FLVCR2: variants seen among roughly 807,000 people sequenced by gnomAD.
The protein encoded by FLVCR2 is FLVCR choline and putative heme transporter 2.
A neutral mutation model predicts 48.9 loss-of-function variants in FLVCR2; 38 were observed. The observed-to-expected ratio is 0.78, with a 90% CI of 0.60 to 1.02. The LOEUF (loss-of-function observed/expected upper bound fraction) is 1.02, where lower values mean the gene tolerates loss of function less well. FLVCR2 is among the 50% of genes least tolerant of loss of function. The pLI, the probability that FLVCR2 is intolerant of heterozygous loss-of-function variation, is 0.00. For missense variants in FLVCR2, 664 were observed against 663.3 expected (o/e 1.00, Z -0.01); for synonymous variants, 255 against 257.0 (o/e 0.99, Z 0.07).
At chr14:75,607,211 A>C (rs368327422) in intron 1 of FLVCR2, among the ~76,000 whole-genome samples, 2 of 152,206 alleles carry the variant, frequency 1.3e-5, no homozygotes, top group South Asian at 4.1e-4. Context: ...ATGAAAGCTA[A>C]ATGAGGCAAT....
chr14:75,586,099 C>T (rs2140004850), intron 1 of FLVCR2, among the ~76,000 whole-genome samples: 1 of 152,308 alleles, frequency 6.6e-6, no homozygotes, highest in South Asian at 2.1e-4. Flanking sequence ...GAAGAGACCA[C>T]CAAACAGGCT....
Position 75,624,623 on chromosome 14 carries a change from A to G in FLVCR2, c.823A>G (p.Lys275Glu). 6.2e-7 allele frequency: 1 copy of G among 1,614,052 alleles called. No individual in the cohort carries two copies. Among genetic ancestry groups the G allele is most frequent in the Non-Finnish European group, 8.5e-7 (1 of 1,179,994 alleles). Residue 275 changes from lysine (K) to glutamate (E), a missense_variant, in exon 3 of 10, where the codon AAA becomes GAA. By Grantham distance (56) the Lys-to-Glu change is moderately conservative (BLOSUM62 1). Transcript: ENST00000238667. Reference protein sequence around the residue: ...LILVIIVFKEKPKYPPSRAQS... With the variant: ...LILVIIVFKEEPKYPPSRAQS... ...TTTTTTCCTTTCAGTGTTCAAGGAGAAACCTAAATATCCCCCCAGCAGGGC... is the reference window on the plus strand; with the variant it reads ...TTTTTTCCTTTCAGTGTTCAAGGAGGAACCTAAATATCCCCCCAGCAGGGC...
chr14:75,591,806 C>CTTTTTTTTTTTTTT, intron 1 of FLVCR2, among the ~76,000 whole-genome samples: 1 of 109,312 alleles, frequency 9.1e-6, no homozygotes, highest in Non-Finnish European at 1.8e-5. Context: ...CTCTTCATTC[C>CTTTTTTTTTTTTTT]TTTTTTTTTT....
chr14:75,627,733 G>A lies in FLVCR2; in HGVS notation c.952+2981G>A, dbSNP rs570815024. 2.5e-3 allele frequency among the ~76,000 whole-genome samples: 382 copies of A among 152,344 alleles called. 1 individual carries two copies. Among genetic ancestry groups the A allele is most frequent in the Middle Eastern group, 3.4e-3 (1 of 294 alleles). On this transcript the variant is annotated intron_variant, in intron 3 of 9. Transcript: ENST00000238667. The stretch of plus-strand genomic sequence containing the variant: ...TTTGTTGAAAACAGTCAATGGCACT[G>A]CTTAACATTGTAGCTGCCTGCAGTG...
At chr14:75,616,026 CAAAAA>C (rs10629813) in intron 1 of FLVCR2, among the ~76,000 whole-genome samples, 4 of 25,632 alleles carry the variant, frequency 1.6e-4, no homozygotes, top group Non-Finnish European at 1.9e-4. Flanking sequence ...GACTCCATCT[CAAAAA>C]AAAAAAAAAA....
At chr14:75,631,168 A>T (rs1274905173) in intron 3 of FLVCR2, among the ~76,000 whole-genome samples, 1 of 152,212 alleles carries the variant, frequency 6.6e-6, no homozygotes, top group African/African-American at 2.4e-5. Flanking sequence ...GCCCTCCAGG[A>T]TGAACCCCTG....
intron 9 of FLVCR2, among the ~76,000 whole-genome samples, chr14:75,646,141 G>T (rs1890416156): frequency 2.0e-5 from 3 of 152,148 alleles, no homozygotes; most frequent in Non-Finnish European, 1.5e-5. Context: ...TGGATCATTT[G>T]TGGTGGCCTT....
chr14:75,637,342 G>T (rs1890189526), intron 5 of FLVCR2, among the ~76,000 whole-genome samples: 1 of 152,216 alleles, frequency 6.6e-6, no homozygotes, highest in Non-Finnish European at 1.5e-5. Context: ...TGGCACTCAA[G>T]AGATGGAGGG....
chr14:75,617,181 C>T (rs895181549), intron 1 of FLVCR2, among the ~76,000 whole-genome samples: 7 of 152,124 alleles, frequency 4.6e-5, no homozygotes, highest in East Asian at 1.9e-4. Context: ...TTACCCCAGA[C>T]GCAGCCTGAT....
rs1046953112 is a variant in FLVCR2 at position 75,646,702 on chromosome 14, C to G, written c.*230C>G. 1.8e-6 allele frequency: 1 copy of G among 554,640 alleles called. No individual in the cohort carries two copies. Among genetic ancestry groups the G allele is most frequent in the African/African-American group, 1.9e-5 (1 of 53,458 alleles). The allele number at this position is 554,640 out of a possible 1,614,324, so 34.4% of individuals were successfully genotyped here. A position where few individuals can be genotyped will look rare whatever the true frequency, so the allele number is the denominator to read the frequency against. On this transcript the variant is annotated 3_prime_UTR_variant, in exon 10 of 10. Coordinates refer to ENST00000238667, the MANE Select transcript of FLVCR2 (RefSeq NM_017791.3). ...GCAAATTTGATTCCCACCTCCACCCCCTTTTAGGTTATGGGAGTTGGTGTT... is the reference window on the plus strand; with the variant it reads ...GCAAATTTGATTCCCACCTCCACCCGCTTTTAGGTTATGGGAGTTGGTGTT...
intron 1 of FLVCR2, among the ~76,000 whole-genome samples, chr14:75,589,440 G>A (rs2140007577): frequency 6.6e-6 from 1 of 152,330 alleles, no homozygotes; most frequent in South Asian, 2.1e-4. Context: ...CACTGGGGAA[G>A]GGACTGGTCC....
intron 1 of FLVCR2, among the ~76,000 whole-genome samples, chr14:75,597,394 C>T (rs1245946619): frequency 2.6e-5 from 4 of 151,968 alleles, no homozygotes; most frequent in Non-Finnish European, 5.9e-5. Flanking sequence ...TCTCACCAAA[C>T]GTGGGCAGGT....
intron 1 of FLVCR2, among the ~76,000 whole-genome samples, chr14:75,594,388 A>T (rs1450404554): frequency 2.6e-5 from 4 of 152,218 alleles, no homozygotes. Flanking sequence ...ACCCATTTCC[A>T]GTTCAAAAAC....
chr14:75,632,545 C>T, intron 3 of FLVCR2: 1 of 691,318 alleles, frequency 1.4e-6, no homozygotes, highest in Non-Finnish European at 2.6e-6. Flanking sequence ...ACCCACCTTC[C>T]CTTGCACCTT....
intron 1 of FLVCR2, among the ~76,000 whole-genome samples, chr14:75,593,177 C>T (rs888515123): frequency 6.6e-6 from 1 of 152,172 alleles, no homozygotes; most frequent in Non-Finnish European, 1.5e-5. Context: ...CAAACTCCTC[C>T]AACTTCTGCC....
chr14:75,646,620 G>A lies in FLVCR2; in HGVS notation c.*148G>A. ...TGGCATGGATGGCCTATTCCTCCTAGAACCCACGTAAGAGCTTGGATGATT... is the reference window on the plus strand; with the variant it reads ...TGGCATGGATGGCCTATTCCTCCTAAAACCCACGTAAGAGCTTGGATGATT... On this transcript the variant is annotated 3_prime_UTR_variant, in exon 10 of 10. Coordinates refer to ENST00000238667, the MANE Select transcript of FLVCR2 (RefSeq NM_017791.3). 1 of 701,086 alleles carries A rather than the reference G, an allele frequency of 1.4e-6. No homozygotes were observed. Among genetic ancestry groups the A allele is most frequent in the South Asian group, 1.5e-5 (1 of 66,444 alleles). 43.4% of individuals were successfully genotyped at this position (701,086 alleles called of 1,614,324 possible).
intron 7 of FLVCR2, 22 bp from the exon 8 acceptor site, chr14:75,641,160 T>C (rs763958383): frequency 2.5e-6 from 4 of 1,584,674 alleles, no homozygotes; most frequent in African/African-American, 1.3e-5. Context: ...CCTTGTTTCC[T>C]ATCTTCTTTA....
At chr14:75,619,928 G>A (rs1761607242) in intron 1 of FLVCR2, among the ~76,000 whole-genome samples, 1 of 152,156 alleles carries the variant, frequency 6.6e-6, no homozygotes, top group Admixed American at 6.5e-5. Context: ...TTCTTTAATG[G>A]GGCAGAAGAT....
intron 4 of FLVCR2, 33 bp from the exon 5 acceptor site, chr14:75,634,877 G>T (rs368629503): frequency 1.4e-6 from 2 of 1,476,204 alleles, no homozygotes; most frequent in Admixed American, 1.7e-5. Context: ...TTGTCCCATC[G>T]CCGGGTGATC....
Sources: allele counts gnomAD v4.1 joint callset (sites outside exome capture counted in the v4.1 genomes callset), GRCh38; gene constraint gnomAD v4.1.1; transcripts MANE v1.5; gene names NCBI Gene and HGNC (gene_info 2026-07-23, HGNC 2026-07-21).